The following CEP350 variants were observed in gnomAD, a reference collection of about 807,000 sequenced individuals.
CEP350 encodes centrosomal protein 350.
CEP350 carries 126 observed loss-of-function variants against 331.8 expected under a neutral mutation model. The ratio of observed to expected loss-of-function variants is 0.38; its 90% CI spans 0.33 to 0.44. CEP350 has a LOEUF of 0.44. CEP350 is among the 20% of genes least tolerant of loss of function. The pLI is 1.00. For synonymous variants in CEP350, 1,200 were observed against 1,259.5 expected, an observed-to-expected ratio of 0.95 and a Z score of 1.00; for missense variants, 3,406 against 3,634.6, an observed-to-expected ratio of 0.94 and a Z score of 1.62.
rs1026378378 is a variant in CEP350, at chr1:180,111,353, A to G, written c.*192A>G. 6.5e-6 allele frequency: 4 copies of G among 619,184 alleles called. No individual in the cohort carries two copies. Among genetic ancestry groups the G allele is most frequent in the South Asian group, 4.6e-5 (2 of 43,630 alleles). 38.4% of individuals were successfully genotyped at this position (619,184 alleles called of 1,614,324 possible). On this transcript the variant is annotated 3_prime_UTR_variant, in exon 38 of 38. Coordinates refer to ENST00000367607, the MANE Select transcript of CEP350 (RefSeq NM_014810.5). ...CAGCCTTTGCCTTTCGAGACTATCC[A>G]CTGGATTAATGGGTTATTTTCAGTG... is the stretch of plus-strand genomic sequence containing the variant.
At chr1:180,041,526 T>G in intron 18 of CEP350, 136 bp from the exon 19 acceptor site, 1 of 912,606 alleles carries the variant, frequency 1.1e-6, no homozygotes, top group Non-Finnish European at 1.6e-6. Context: ...AGTTAAGACT[T>G]AAACCATGAA....
intron 35 of CEP350, 44 bp from the exon 36 acceptor site, chr1:180,095,994 T>A: frequency 6.4e-7 from 1 of 1,551,578 alleles, no homozygotes; most frequent in Non-Finnish European, 8.7e-7. Flanking sequence ...AAATTTGGAT[T>A]CTTAGCCATT....
intron 6 of CEP350, among the ~76,000 whole-genome samples, chr1:179,997,468 G>A (rs983761779): frequency 1.0e-4 from 15 of 148,732 alleles, no homozygotes; most frequent in Non-Finnish European, 1.2e-4. Context: ...GTGTGAACCC[G>A]GGAGGCGGAG....
chr1:180,020,792 G>C lies in CEP350; in HGVS notation c.3018G>C (p.Leu1006Phe). ...EEGDQDGQPLLKVAEILKEKE... is the reference protein window; with the variant it reads ...EEGDQDGQPLFKVAEILKEKE... ...GAGACCAGGATGGACAGCCCCTTTT[G>C]AAAGTAGCAGAAATTTTAAAAGAAA... Residue 1006 changes from leucine to phenylalanine, a missense_variant, in exon 12 of 38, where the codon TTG (leucine) becomes TTC (phenylalanine). By Grantham distance (22) the Leu-to-Phe change is conservative. This residue lies in a region of CEP350 where 1,857 missense variants were observed against 1,909.2 expected (regional missense o/e 0.97). Coordinates refer to ENST00000367607, the MANE Select transcript of CEP350 (RefSeq NM_014810.5). 1 of 1,613,396 alleles carries C rather than the reference G, an allele frequency of 6.2e-7. No individual in the cohort carries two copies. The highest frequency in any genetic ancestry group is 1.7e-5 in the Admixed American group (1 of 59,818).
At chr1:180,062,485 T>G in intron 26 of CEP350, 119 bp downstream of exon 26, 4 of 1,234,046 alleles carry the variant, frequency 3.2e-6, no homozygotes, top group Non-Finnish European at 4.2e-6. Flanking sequence ...TGAACTAGGA[T>G]AAAGTTCTAT....
At chr1:180,070,281 AC>A (rs1338335516) in intron 27 of CEP350, among the ~76,000 whole-genome samples, 1 of 152,168 alleles carries the variant, frequency 6.6e-6, no homozygotes, top group Non-Finnish European at 1.5e-5. Flanking sequence ...GGATTTTTAG[AC>A]CTAGGAGTTC....
chr1:180,008,933 A>G (rs934771544), intron 8 of CEP350, among the ~76,000 whole-genome samples: 1 of 152,224 alleles, frequency 6.6e-6, no homozygotes, highest in Admixed American at 6.5e-5. Context: ...TAGATGTCAT[A>G]ATAGAGTGAC....
At chr1:180,037,521 C>T (rs964396338) in intron 17 of CEP350, among the ~76,000 whole-genome samples, 2 of 151,284 alleles carry the variant, frequency 1.3e-5, no homozygotes, top group African/African-American at 4.9e-5. Flanking sequence ...AACAAAAATC[C>T]AGAGATGGTC....
At chr1:180,059,580 G>A (rs1347667401) in intron 25 of CEP350, among the ~76,000 whole-genome samples, 1 of 149,880 alleles carries the variant, frequency 6.7e-6, no homozygotes, top group Non-Finnish European at 1.5e-5. Flanking sequence ...CCAGAATATA[G>A]TGATTAATTC....
At chr1:180,070,916 G>C (rs1487367539) in intron 27 of CEP350, among the ~76,000 whole-genome samples, 1 of 151,952 alleles carries the variant, frequency 6.6e-6, no homozygotes, top group Admixed American at 6.6e-5. Flanking sequence ...TTGGGAGGCC[G>C]AGGTGGGCAG....
intron 14 of CEP350, among the ~76,000 whole-genome samples, chr1:180,028,376 G>A (rs775077656): frequency 1.3e-5 from 2 of 152,266 alleles, no homozygotes; most frequent in Non-Finnish European, 2.9e-5. Flanking sequence ...AATTGTTAGC[G>A]TTTGCTAAGT....
In CEP350 at chr1:180,022,681, A is replaced by G. The variant is rs1451371270; in HGVS notation, c.3236-17A>G. The G allele has an allele frequency of 6.2e-7, 1 of 1,602,836 alleles. No homozygotes were observed. The highest frequency in any genetic ancestry group is 8.5e-7 in the Non-Finnish European group (1 of 1,175,260). ...GATTTTCGTTTTTAACCATGTTTCA[A>G]TTATTACTTTTGTCAGGGTTTGAAG... On this transcript the variant is annotated splice_polypyrimidine_tract_variant and intron_variant, in intron 12 of 37. Transcript: ENST00000367607.
chr1:180,088,937 A>G (rs889703651), intron 32 of CEP350, among the ~76,000 whole-genome samples: 5 of 152,230 alleles, frequency 3.3e-5, no homozygotes, highest in Admixed American at 3.3e-4. Context: ...ATCCCACAAT[A>G]GCAAATGTCA....
At chr1:180,053,238 G>T in intron 23 of CEP350, 72 bp downstream of exon 23, 2 of 702,972 alleles carry the variant, frequency 2.8e-6, no homozygotes, top group Non-Finnish European at 4.4e-6. Context: ...AAAACATTTT[G>T]TACTTATCTC....
rs1452315944 is a variant in CEP350, at chr1:180,024,496, A to G, written c.3464A>G (p.Gln1155Arg). ...YDPSSVDVTS[Q>R]HSSGAQSAAS... ...CCTTCCTCTGTGGATGTTACCTCCC[A>G]GCATTCATCAGGAGCCCAGTCTGCT... The change falls in exon 14 of 38, where the codon CAG (glutamine) becomes CGG (arginine). Residue 1155 changes from glutamine (Q) to arginine (R), a missense_variant. Physicochemically the swap from Gln to Arg is conservative, Grantham distance 43. This residue lies in a region of CEP350 where 1,857 missense variants were observed against 1,909.2 expected (regional missense o/e 0.97). Transcript: ENST00000367607. 19 of 1,613,558 alleles carry G rather than the reference A, an allele frequency of 1.2e-5. No individual in the cohort carries two copies. Among genetic ancestry groups the G allele is most frequent in the Non-Finnish European group, 1.5e-5 (18 of 1,179,704 alleles).
In CEP350 at chr1:180,075,057, G is replaced by T; in HGVS notation, c.5603G>T (p.Arg1868Leu). Residue 1868 changes from arginine (R) to leucine (L), a missense_variant, in exon 28 of 38, where the codon CGG becomes CTG. By Grantham distance (102) the Arg-to-Leu change is moderately radical (BLOSUM62 -2). Coordinates refer to ENST00000367607, the MANE Select transcript of CEP350 (RefSeq NM_014810.5). ...AAGCGGGAGCAAAAATTAATGCAACGGCGACAACATGCAGAGGAGCTCCTA... is the reference window on the plus strand; with the variant it reads ...AAGCGGGAGCAAAAATTAATGCAACTGCGACAACATGCAGAGGAGCTCCTA... ...LTKREQKLMQRRQHAEELLEW... is the reference protein window; with the variant it reads ...LTKREQKLMQLRQHAEELLEW... The T allele has an allele frequency of 1.9e-6, 3 of 1,612,564 alleles. No homozygotes were observed. Among genetic ancestry groups the T allele is most frequent in the Non-Finnish European group, 2.5e-6 (3 of 1,179,338 alleles).
At chr1:179,955,917 A>C (rs564333975) in intron 1 of CEP350, among the ~76,000 whole-genome samples, 13 of 152,168 alleles carry the variant, frequency 8.5e-5, no homozygotes, top group Non-Finnish European at 1.6e-4. Context: ...CTTGTTTTGA[A>C]TTTGGGGAAG....
At chr1:180,044,196 G>C in intron 21 of CEP350, 23 bp downstream of exon 21, 1 of 1,543,466 alleles carries the variant, frequency 6.5e-7, no homozygotes, top group Non-Finnish European at 8.7e-7. Flanking sequence ...TGATTTCTTT[G>C]TCAGTACAGT....
intron 23 of CEP350, 24 bp downstream of exon 23, chr1:180,053,190 G>A (rs1394338487): frequency 1.6e-5 from 22 of 1,407,542 alleles, no homozygotes; most frequent in Non-Finnish European, 2.1e-5. Flanking sequence ...TATCTGTGGA[G>A]GTAAATGGTT....
Sources: allele counts gnomAD v4.1 joint callset (sites outside exome capture counted in the v4.1 genomes callset), GRCh38; gene constraint gnomAD v4.1.1; regional missense constraint gnomAD v4.1.1; transcripts MANE v1.5; gene names NCBI Gene and HGNC (gene_info 2026-07-23, HGNC 2026-07-21).